DNAAF1: variants seen among roughly 807,000 people sequenced by gnomAD.
The protein encoded by DNAAF1 is dynein assembly factor 1, axonemal.
In DNAAF1, 65 loss-of-function variants were observed where a neutral mutation model predicts 71.1. The ratio of observed to expected loss-of-function variants is 0.91; its 90% CI spans 0.75 to 1.12. The LOEUF (loss-of-function observed/expected upper bound fraction) is 1.12. Among genes scored for constraint, DNAAF1 ranks in the 50% most tolerant of loss-of-function variants. The pLI is 0.00. For synonymous variants in DNAAF1, 414 were observed against 354.6 expected, an observed-to-expected ratio of 1.17 and a Z score of -1.88; for missense variants, 1,178 against 899.8, an observed-to-expected ratio of 1.31 and a Z score of -3.96.
intron 11 of DNAAF1, chr16:84,177,297 A>G: frequency 3.6e-6 from 1 of 278,642 alleles, no homozygotes. Context: ...GTTTTGTTTG[A>G]GACAGTCTCG....
Position 84,149,218 on chromosome 16 carries a change from A to G in DNAAF1, c.260+76A>G, listed in dbSNP as rs1269862381. The G allele has an allele frequency of 4.5e-6, 7 of 1,569,962 alleles. No homozygotes were observed. The African/African-American group carries it at 6.8e-5, about 15-fold the overall frequency. On this transcript the variant is annotated intron_variant, in intron 2 of 11. Coordinates refer to ENST00000378553, the MANE Select transcript of DNAAF1 (RefSeq NM_178452.6). Reference sequence around the variant, plus strand: ...GCGTAATCACCCCCTTGTACGGATAATGAAATAGAGGCTGGTAGAGATTGA... The same window carrying G: ...GCGTAATCACCCCCTTGTACGGATAGTGAAATAGAGGCTGGTAGAGATTGA...
At position 84,145,328 on chromosome 16, in the gene DNAAF1, G is replaced by C; in HGVS notation, c.-113G>C. 1.3e-6 allele frequency: 2 copies of C among 1,502,792 alleles called. No homozygotes were observed. The highest frequency in any genetic ancestry group is 1.8e-6 in the Non-Finnish European group (2 of 1,117,730). 93.1% of individuals were successfully genotyped at this position (1,502,792 alleles called of 1,614,324 possible). On this transcript the variant is annotated 5_prime_UTR_variant, in exon 1 of 12. Coordinates refer to ENST00000378553, the MANE Select transcript of DNAAF1 (RefSeq NM_178452.6). Reference sequence around the variant, plus strand: ...GGGCTGTAAAGACTAGGGCGCCAGCGGCTGGCGAAGAAGGAAAGAGGGTAC... The same window carrying C: ...GGGCTGTAAAGACTAGGGCGCCAGCCGCTGGCGAAGAAGGAAAGAGGGTAC...
chr16:84,155,601 A>C lies in DNAAF1; in HGVS notation c.593A>C (p.Asn198Thr). 6.2e-7 allele frequency: 1 copy of C among 1,614,128 alleles called. No individual in the cohort carries two copies. The highest frequency in any genetic ancestry group is 8.5e-7 in the Non-Finnish European group (1 of 1,180,016). The change falls in exon 5 of 12, where the codon AAC becomes ACC. Residue 198 changes from asparagine (N) to threonine (T), a missense_variant. Transcript: ENST00000378553. ...CTTCCAGCCTGCCTCCCAGTCCTGA[A>C]CACATTGCAGATGGCCCACAATCAC... ...IENLSCLPVL[N>T]TLQMAHNHLE... is the part of the protein sequence containing the mutation.
chr16:84,165,139 G>A (rs2087908258), intron 6 of DNAAF1, among the ~76,000 whole-genome samples: 1 of 152,006 alleles, frequency 6.6e-6, no homozygotes, highest in Non-Finnish European at 1.5e-5. Context: ...TTCTTTGTAT[G>A]TTTTGGATCC....
chr16:84,167,882 T>G (rs1354554047), intron 7 of DNAAF1, among the ~76,000 whole-genome samples: 2 of 152,024 alleles, frequency 1.3e-5, no homozygotes, highest in Non-Finnish European at 2.9e-5. Flanking sequence ...CTGGGCGTGG[T>G]GGCACAAGCC....
intron 11 of DNAAF1, chr16:84,176,797 G>C (rs965003570): frequency 2.1e-5 from 4 of 193,576 alleles, no homozygotes; most frequent in African/African-American, 9.2e-5. Context: ...TGGCCTTCAA[G>C]GCAGGGAAGG....
At chr16:84,173,182 G>A (rs1016158250) in intron 9 of DNAAF1, 31 of 985,554 alleles carry the variant, frequency 3.1e-5, no homozygotes, top group East Asian at 1.1e-4. Flanking sequence ...TAAAGTGATC[G>A]GCCAGGCATG....
At chr16:84,155,499 G>T in intron 4 of DNAAF1, 84 bp from the exon 5 acceptor site, 1 of 1,468,700 alleles carries the variant, frequency 6.8e-7, no homozygotes, top group Non-Finnish European at 9.5e-7. Context: ...CAAAGTGCTG[G>T]GATTACAGGT....
intron 6 of DNAAF1, among the ~76,000 whole-genome samples, chr16:84,165,416 G>C (rs113742158): frequency 1.3e-4 from 20 of 152,062 alleles, no homozygotes; most frequent in African/African-American, 4.6e-4. Context: ...GAACTCCTGG[G>C]CTCAAGTGGT....
intron 6 of DNAAF1, among the ~76,000 whole-genome samples, chr16:84,161,153 C>T (rs545482174): frequency 8.5e-5 from 13 of 152,204 alleles, no homozygotes; most frequent in South Asian, 8.3e-4. Flanking sequence ...TCATCTGCAG[C>T]GTGGGGATGA....
chr16:84,175,880 G>A (rs1010695150), intron 10 of DNAAF1, 53 bp from the exon 11 acceptor site: 7 of 1,601,312 alleles, frequency 4.4e-6, no homozygotes, highest in Non-Finnish European at 5.1e-6. Flanking sequence ...GCATTGTAGA[G>A]CGATTCTGTT....
At chr16:84,156,596 T>G (rs1337899935) in intron 5 of DNAAF1, among the ~76,000 whole-genome samples, 6 of 152,180 alleles carry the variant, frequency 3.9e-5, no homozygotes. Context: ...CTTCTCCCAG[T>G]TATTTTAGCA....
rs527961977 is a variant in DNAAF1, at chr16:84,173,278, A to G, written c.1644+903A>G. 28 of 816,588 alleles carry G rather than the reference A, an allele frequency of 3.4e-5. No homozygotes were observed. The East Asian group carries it at 1.9e-3, about 55-fold the overall frequency. The allele number at this position is 816,588 out of a possible 1,614,324, so 50.6% of individuals were successfully genotyped here. On this transcript the variant is annotated intron_variant, in intron 9 of 11. Transcript: ENST00000378553. ...GGAGATCGAGACCATCCTGGCTAAC[A>G]TGGTGAAAACCCATCTCTACTAAAA...
chr16:84,174,173 C>G, intron 9 of DNAAF1: 1 of 1,002,468 alleles, frequency 1.0e-6, no homozygotes, highest in South Asian at 4.2e-5. Flanking sequence ...GTTCATGCAT[C>G]CAACCACACA....
intron 5 of DNAAF1, among the ~76,000 whole-genome samples, chr16:84,159,410 C>T (rs1455861394): frequency 1.3e-5 from 2 of 152,166 alleles, no homozygotes; most frequent in Non-Finnish European, 2.9e-5. Flanking sequence ...GAAATGTTTT[C>T]CAGTATTGTT....
chr16:84,168,228 C>T (rs1286038656), intron 7 of DNAAF1, among the ~76,000 whole-genome samples: 2 of 152,144 alleles, frequency 1.3e-5, no homozygotes, highest in Non-Finnish European at 2.9e-5. Context: ...ACTTCCATGC[C>T]AGCAGTGTGG....
chr16:84,149,028 T>A lies in DNAAF1; in HGVS notation c.146T>A (p.Ile49Lys), dbSNP rs200732427. ...ACAGAAATTAATGATCCTAAGGAAATATGTGTGGGTTCTTCTGACACATCC... is the reference window on the plus strand; with the variant it reads ...ACAGAAATTAATGATCCTAAGGAAAAATGTGTGGGTTCTTCTGACACATCC... Reference protein sequence around the residue: ...CKEEINDPKEICVGSSDTSYH... With the variant: ...CKEEINDPKEKCVGSSDTSYH... Residue 49 changes from isoleucine (I) to lysine (K), a missense_variant, in exon 2 of 12, where the codon ATA becomes AAA. Coordinates refer to ENST00000378553, the MANE Select transcript of DNAAF1 (RefSeq NM_178452.6). The A allele has an allele frequency of 2.5e-6, 4 of 1,613,972 alleles. No individual in the cohort carries two copies. The highest frequency in any genetic ancestry group is 3.4e-6 in the Non-Finnish European group (4 of 1,180,014).
At chr16:84,176,928 G>A (rs1042522380) in intron 11 of DNAAF1, 1 of 168,518 alleles carries the variant, frequency 5.9e-6, no homozygotes, top group Non-Finnish European at 1.3e-5. Context: ...ACATGTGCCT[G>A]GCAGATGCGG....
chr16:84,168,423 G>A (rs2088137522), intron 7 of DNAAF1, among the ~76,000 whole-genome samples: 2 of 152,180 alleles, frequency 1.3e-5, no homozygotes, highest in East Asian at 3.8e-4. Context: ...ACATTAAGGT[G>A]TGAACACCTT....
Sources: allele counts gnomAD v4.1 joint callset (sites outside exome capture counted in the v4.1 genomes callset), GRCh38; gene constraint gnomAD v4.1.1; transcripts MANE v1.5; gene names NCBI Gene and HGNC (gene_info 2026-07-23, HGNC 2026-07-21).